Variants in SZT2 observed in about 807,000 individuals in gnomAD.
SZT2 encodes the protein SZT2 subunit of KICSTOR complex.
Under a neutral mutation model 404.2 loss-of-function variants are expected in SZT2, and 216 were observed. That is an observed-to-expected ratio of 0.53 (90% CI 0.48 to 0.60). The LOEUF (loss-of-function observed/expected upper bound fraction) is 0.60, where lower values mean the gene tolerates loss of function less well. SZT2 is among the 20% of genes least tolerant of loss of function. SZT2 has a pLI of 0.00. For synonymous variants in SZT2, 1,693 were observed against 1,749.9 expected, an observed-to-expected ratio of 0.97 and a Z score of 0.81; for missense variants, 3,857 against 4,459.2, an observed-to-expected ratio of 0.86 and a Z score of 3.85.
chr1:43,416,450 G>A lies in SZT2; in HGVS notation c.773-85G>A, dbSNP rs16830763. The A allele has an allele frequency of 1.7e-3, 1,936 of 1,149,090 alleles. 17 individuals carry two copies. The African/African-American group carries it at 0.025, about 15-fold the overall frequency. 71.2% of individuals were successfully genotyped at this position (1,149,090 alleles called of 1,614,324 possible). The stretch of plus-strand genomic sequence containing the variant: ...GACATTGGTGGGAAGACACTGAGCC[G>A]TTCAGGACCCTGTCAGTTGGGTGCC... On this transcript the variant is annotated intron_variant, in intron 6 of 71. Transcript: ENST00000634258.
intron 11 of SZT2, 35 bp from the exon 12 acceptor site, chr1:43,422,047 CA>C (rs1652427030): frequency 1.3e-6 from 2 of 1,562,520 alleles, no homozygotes; most frequent in Admixed American, 1.7e-5. Context: ...TGGTCCTCTG[CA>C]AATGCTCCTA....
rs1654376760 is a variant in SZT2, at chr1:43,435,586, G to A, written c.6034+257G>A. On this transcript the variant is annotated intron_variant, in intron 42 of 71. Transcript: ENST00000634258. ...GCAGATGAAATGAAAAGTGAAAGAG[G>A]GTGATAGGTGGGGCAGAGAATAACT... 7.8e-6 allele frequency: 3 copies of A among 385,392 alleles called. No individual in the cohort carries two copies. The South Asian group carries it at 1.3e-4, about 16-fold the overall frequency. 23.9% of individuals were successfully genotyped at this position (385,392 alleles called of 1,614,324 possible). A position where few individuals can be genotyped will look rare whatever the true frequency, so the allele number is the denominator to read the frequency against.
chr1:43,431,972 G>A (rs1653945482), intron 36 of SZT2, 71 bp downstream of exon 36: 4 of 1,562,300 alleles, frequency 2.6e-6, no homozygotes, highest in Non-Finnish European at 3.5e-6. Flanking sequence ...GCACAGGACT[G>A]GAAGGCCCTC....
chr1:43,402,731 C>T (rs886190392), intron 1 of SZT2, among the ~76,000 whole-genome samples: 2 of 152,122 alleles, frequency 1.3e-5, no homozygotes, highest in Non-Finnish European at 2.9e-5. Flanking sequence ...GCTATTCCTT[C>T]GGTGAAAATT....
rs756051446 is a variant in SZT2, at chr1:43,432,610, A to AC, written c.5530+6_5530+7insC. On this transcript the variant is annotated splice_region_variant and intron_variant, in intron 38 of 71. Coordinates refer to ENST00000634258, the MANE Select transcript of SZT2 (RefSeq NM_001365999.1). ...GCCCCGCGTGCCACAGGGAGGTAAGAGAGGACTTGGGCAGCAGTCTGGAGG... is the reference window on the plus strand; with the variant it reads ...GCCCCGCGTGCCACAGGGAGGTAAGACGAGGACTTGGGCAGCAGTCTGGAGG... 2 of 1,613,752 alleles carry AC rather than the reference A, an allele frequency of 1.2e-6. No individual in the cohort carries two copies. Among genetic ancestry groups the AC allele is most frequent in the African/African-American group, 2.7e-5 (2 of 74,938 alleles).
intron 1 of SZT2, among the ~76,000 whole-genome samples, chr1:43,397,484 CA>C (rs1649140530): frequency 1.3e-5 from 2 of 150,858 alleles, no homozygotes; most frequent in Non-Finnish European, 2.9e-5. Context: ...GCTGGATCTT[CA>C]GACTTATACA....
Position 43,448,328 on chromosome 1 carries a change from G to C in SZT2, c.9813G>C (p.Gly3271=). The C allele has an allele frequency of 6.4e-7, 1 of 1,552,814 alleles. No individual in the cohort carries two copies. Among genetic ancestry groups the C allele is most frequent in the Non-Finnish European group, 8.7e-7 (1 of 1,148,206 alleles). The change falls in exon 69 of 72, where the codon GGG becomes GGC. Residue 3271 remains glycine (G), a synonymous_variant. Coordinates refer to ENST00000634258, the MANE Select transcript of SZT2 (RefSeq NM_001365999.1). The surrounding 1 kb of genome is among the most constrained non-coding windows in gnomAD (Gnocchi z 4.2). ...RLAQLVRLAG[G]HCRRDTLWKR... Reference sequence around the variant, plus strand: ...CTCAGCTGGTGCGGCTGGCTGGAGGGCACTGCCGTCGGGACACCCTTTGGA... The same window carrying C: ...CTCAGCTGGTGCGGCTGGCTGGAGGCCACTGCCGTCGGGACACCCTTTGGA...
At position 43,442,126 on chromosome 1, in the gene SZT2, G is replaced by C; in HGVS notation, c.7869G>C (p.Gln2623His). Reference sequence around the variant, plus strand: ...TCTTGCAGTGGAGGAGACCAACACAGCAGGGTGAGGGCATGGCCCGGGGGG... The same window carrying C: ...TCTTGCAGTGGAGGAGACCAACACACCAGGGTGAGGGCATGGCCCGGGGGG... Reference protein sequence around the residue: ...RNFLQWRRPTQQAAKAMQRFE... With the variant: ...RNFLQWRRPTHQAAKAMQRFE... Residue 2623 changes from glutamine to histidine, a missense_variant, in exon 56 of 72, where the codon CAG becomes CAC. Coordinates refer to ENST00000634258, the MANE Select transcript of SZT2 (RefSeq NM_001365999.1). The surrounding 1 kb of genome is among the most constrained non-coding windows in gnomAD (Gnocchi z 4.5). 3.3e-6 allele frequency: 4 copies of C among 1,194,740 alleles called. No homozygotes were observed. Among genetic ancestry groups the C allele is most frequent in the Non-Finnish European group, 4.6e-6 (4 of 862,504 alleles). The allele number at this position is 1,194,740 out of a possible 1,614,324, so 74.0% of individuals were successfully genotyped here.
Position 43,389,952 on chromosome 1 carries a change from CGCGG to C in SZT2, c.-15_-12del. ...GAACACCCTCACTGGCCCGGGCCGG[CGCGG>C]GAGGGCTGTGTGATGGCCTCGGAGC... On this transcript the variant is annotated 5_prime_UTR_variant, in exon 1 of 72. Transcript: ENST00000634258. The C allele has an allele frequency of 1.4e-6, 2 of 1,449,886 alleles. No homozygotes were observed. Among genetic ancestry groups the C allele is most frequent in the African/African-American group, 2.9e-5 (2 of 69,136 alleles). 89.8% of individuals were successfully genotyped at this position (1,449,886 alleles called of 1,614,324 possible).
At chr1:43,416,406 C>A in intron 6 of SZT2, 129 bp from the exon 7 acceptor site, 1 of 750,328 alleles carries the variant, frequency 1.3e-6, no homozygotes, top group Non-Finnish European at 2.1e-6. Flanking sequence ...TATAAAACTT[C>A]ACAGTTTATG....
chr1:43,439,684 G>T lies in SZT2; in HGVS notation c.6957G>T (p.Pro2319=), dbSNP rs769071428. 2.5e-6 allele frequency: 4 copies of T among 1,612,700 alleles called. No individual in the cohort carries two copies. Among genetic ancestry groups the T allele is most frequent in the Non-Finnish European group, 3.4e-6 (4 of 1,179,366 alleles). The part of the protein sequence containing the change: ...LSLALWPPSS[P]GPPDPLREEE... ...TGGCGTTGTGGCCCCCCTCCTCTCC[G>T]GGGCCCCCAGACCCACTGCGAGAGG... is the stretch of plus-strand genomic sequence containing the variant. The change falls in exon 50 of 72, where the codon CCG becomes CCT. Residue 2319 remains proline (P), a synonymous_variant. Coordinates refer to ENST00000634258, the MANE Select transcript of SZT2 (RefSeq NM_001365999.1). This position sits in a 1 kb window ranked among gnomAD's most constrained non-coding sequence, Gnocchi z 4.2.
chr1:43,422,653 T>A (rs1652512726), intron 13 of SZT2, 21 bp downstream of exon 13: 5 of 1,479,482 alleles, frequency 3.4e-6, no homozygotes, highest in Admixed American at 4.2e-5. Context: ...TGATGTCCCT[T>A]CACCCCCCGC....
intron 7 of SZT2, among the ~76,000 whole-genome samples, chr1:43,417,261 C>T (rs1344261654): frequency 1.3e-5 from 2 of 151,988 alleles, no homozygotes; most frequent in Admixed American, 6.6e-5. Flanking sequence ...AGGATCAGGG[C>T]TTAAATTAGG....
intron 40 of SZT2, 78 bp downstream of exon 40, chr1:43,433,268 G>A (rs967778054): frequency 6.2e-5 from 92 of 1,479,638 alleles, no homozygotes; most frequent in Non-Finnish European, 8.0e-5. Context: ...TCTCTCCAGT[G>A]TTGTTAGAAG....
In SZT2 at chr1:43,453,489, C is replaced by G; in HGVS notation, c.*3009C>G. 2 of 1,555,542 alleles carry G rather than the reference C, an allele frequency of 1.3e-6. No homozygotes were observed. The highest frequency in any genetic ancestry group is 1.7e-6 in the Non-Finnish European group (2 of 1,148,900). On this transcript the variant is annotated 3_prime_UTR_variant, in exon 72 of 72. Transcript: ENST00000634258. ...GCCCCCAGCCCCATTTCCCCCTTCT[C>G]TTGGTCTCCTGCAGAGAGAACGGGC...
chr1:43,451,589 G>A lies in SZT2; in HGVS notation c.*1109G>A, dbSNP rs369364440. 4 of 1,613,586 alleles carry A rather than the reference G, an allele frequency of 2.5e-6. No homozygotes were observed. The highest frequency in any genetic ancestry group is 2.7e-5 in the African/African-American group (2 of 74,904). ...AATGTGGGGTCCAGGCTCCTGCCAG[G>A]GCCTGAAGGACAGATGTGGGGATTG... is the stretch of plus-strand genomic sequence containing the variant. On this transcript the variant is annotated 3_prime_UTR_variant, in exon 72 of 72. Coordinates refer to ENST00000634258, the MANE Select transcript of SZT2 (RefSeq NM_001365999.1).
chr1:43,446,205 C>T lies in SZT2; in HGVS notation c.8943C>T (p.Tyr2981=), dbSNP rs1291006925. 6.2e-6 allele frequency: 10 copies of T among 1,614,154 alleles called. No homozygotes were observed. The highest frequency in any genetic ancestry group is 3.3e-5 in the Admixed American group (2 of 60,008). ...GCACTAGCTCTCCGGTAACCACCTA[C>T]CACCTGCAGCGGGCACTGCCTGGGG... is the stretch of plus-strand genomic sequence containing the variant. ...PKSTSSPVTT[Y]HLQRALPGGI... Residue 2981 remains tyrosine, a synonymous_variant, in exon 64 of 72, where the codon TAC becomes TAT. Coordinates refer to ENST00000634258, the MANE Select transcript of SZT2 (RefSeq NM_001365999.1).
rs1469759878 is a variant in SZT2 at position 43,424,890 on chromosome 1, C to T, written c.2550+28C>T. 2.5e-6 allele frequency: 4 copies of T among 1,605,470 alleles called. No individual in the cohort carries two copies. Among genetic ancestry groups the T allele is most frequent in the African/African-American group, 1.3e-5 (1 of 74,784 alleles). ...ACGTGCCATCCCCCATGACACCTCCCTGCCAAGGTCTGTCATAATCCCAGG... is the reference window on the plus strand; with the variant it reads ...ACGTGCCATCCCCCATGACACCTCCTTGCCAAGGTCTGTCATAATCCCAGG... On this transcript the variant is annotated intron_variant, in intron 17 of 71. Coordinates refer to ENST00000634258, the MANE Select transcript of SZT2 (RefSeq NM_001365999.1). The surrounding 1 kb of genome is among the most constrained non-coding windows in gnomAD (Gnocchi z 4.1).
chr1:43,424,980 G>A lies in SZT2; in HGVS notation c.2550+118G>A. The stretch of plus-strand genomic sequence containing the variant: ...GCCTCACAGGGACCCTGTGGCCAGA[G>A]GATGCTCAAGGTCTGAGGCTGCAGT... On this transcript the variant is annotated intron_variant, in intron 17 of 71. Coordinates refer to ENST00000634258, the MANE Select transcript of SZT2 (RefSeq NM_001365999.1). This position sits in a 1 kb window ranked among gnomAD's most constrained non-coding sequence, Gnocchi z 4.1. 1 of 1,486,460 alleles carries A rather than the reference G, an allele frequency of 6.7e-7. No individual in the cohort carries two copies. Among genetic ancestry groups the A allele is most frequent in the Non-Finnish European group, 9.4e-7 (1 of 1,069,156 alleles). 92.1% of individuals were successfully genotyped at this position (1,486,460 alleles called of 1,614,324 possible).
Sources: allele counts gnomAD v4.1 joint callset (sites outside exome capture counted in the v4.1 genomes callset), GRCh38; gene constraint gnomAD v4.1.1; non-coding constraint Gnocchi (gnomAD v3.1); transcripts MANE v1.5; gene names NCBI Gene and HGNC (gene_info 2026-07-23, HGNC 2026-07-21).